MCC: variants seen among roughly 807,000 people sequenced by gnomAD.
MCC encodes the protein colorectal mutant cancer protein.
In MCC, 90 loss-of-function variants were observed where a neutral mutation model predicts 116.2. That is an observed-to-expected ratio of 0.77 (90% CI 0.65 to 0.92). The LOEUF (loss-of-function observed/expected upper bound fraction) is 0.92, where lower values mean the gene tolerates loss of function less well. Ranked by LOEUF, MCC falls within the 40% of genes least tolerant of loss-of-function variation. The pLI is 0.00. For missense variants in MCC, 1,516 were observed against 1,312.2 expected, an observed-to-expected ratio of 1.16 and a Z score of -2.40; for synonymous variants, 578 against 510.5, an observed-to-expected ratio of 1.13 and a Z score of -1.78.
chr5:113,144,089 A>T (rs1273564580), intron 4 of MCC, among the ~76,000 whole-genome samples: 2 of 152,198 alleles, frequency 1.3e-5, no homozygotes, highest in East Asian at 3.8e-4. Context: ...AGTGTTATGG[A>T]ATGAATGGAT....
rs547181031 is a variant in MCC, at chr5:113,359,354, A to G, written c.416-18624T>C. Among the ~76,000 whole-genome samples the G allele has an allele frequency of 8.3e-4, 127 of 152,358 alleles. 1 individual carries two copies. The highest frequency in any genetic ancestry group is 1.5e-3 in the Non-Finnish European group (101 of 68,026). The stretch of plus-strand genomic sequence containing the variant: ...TTATCAACACCATCACCATTAGTGG[A>G]TATTTCTAATGTCCCACTGTGCCCA... On this transcript the variant is annotated intron_variant, in intron 2 of 18. Transcript: ENST00000408903.
At position 113,023,243 on chromosome 5, in the gene MCC, G is replaced by A. The variant is rs570783873; in HGVS notation, c.*4059C>T. 7.2e-5 allele frequency: 11 copies of A among 152,314 alleles called. No homozygotes were observed. The highest frequency in any genetic ancestry group is 5.2e-4 in the Admixed American group (8 of 15,304). The allele number at this position is 152,314 out of a possible 1,614,324, so 9.4% of individuals were successfully genotyped here. A position where few individuals can be genotyped will look rare whatever the true frequency, so the allele number is the denominator to read the frequency against. ...ACCTACATGAACATAAGATTTGTAG[G>A]ATGTGGATAAACTTTAAGAACTGGA... On this transcript the variant is annotated 3_prime_UTR_variant, in exon 19 of 19. Coordinates refer to ENST00000408903, the MANE Select transcript of MCC (RefSeq NM_001085377.2).
At chr5:113,435,959 CTGGTTCTG>C (rs923059961) in intron 1 of MCC, 2 of 152,558 alleles carry the variant, frequency 1.3e-5, no homozygotes, top group Non-Finnish European at 2.9e-5. Flanking sequence ...TCTGCTGTGA[CTGGTTCTG>C]TGTCCAGCAC....
At chr5:113,341,364 T>G (rs929690332) in intron 2 of MCC, among the ~76,000 whole-genome samples, 28 of 152,048 alleles carry the variant, frequency 1.8e-4, no homozygotes, top group African/African-American at 6.5e-4. Context: ...AAATTTTTTT[T>G]GTAGACCTCA....
chr5:113,113,651 C>CCA (rs1757227040), intron 6 of MCC, among the ~76,000 whole-genome samples: 1 of 108,418 alleles, frequency 9.2e-6, no homozygotes, highest in East Asian at 2.7e-4. Flanking sequence ...TATGTTCTTG[C>CCA]AAAAAAAAAA....
At chr5:113,289,137 C>G (rs1766379625) in intron 3 of MCC, among the ~76,000 whole-genome samples, 1 of 152,034 alleles carries the variant, frequency 6.6e-6, no homozygotes, top group Non-Finnish European at 1.5e-5. Context: ...TCAAGACCAG[C>G]CTGACCAACA....
At chr5:113,159,832 C>A (rs973608727) in intron 3 of MCC, among the ~76,000 whole-genome samples, 1 of 152,162 alleles carries the variant, frequency 6.6e-6, no homozygotes, top group Non-Finnish European at 1.5e-5. Flanking sequence ...TGTAGTATTT[C>A]AAGAAATGCT....
At chr5:113,350,885 T>C (rs1043601124) in intron 2 of MCC, among the ~76,000 whole-genome samples, 8 of 151,964 alleles carry the variant, frequency 5.3e-5, no homozygotes, top group Admixed American at 2.6e-4. Context: ...AAAATATGAA[T>C]AGAGATTTCT....
chr5:113,365,874 G>A (rs1320311321), intron 2 of MCC, among the ~76,000 whole-genome samples: 1 of 152,124 alleles, frequency 6.6e-6, no homozygotes, highest in Non-Finnish European at 1.5e-5. Context: ...CATATCTTGT[G>A]AGAACTCACT....
At chr5:113,181,352 C>T (rs1761617806) in intron 3 of MCC, among the ~76,000 whole-genome samples, 1 of 152,188 alleles carries the variant, frequency 6.6e-6, no homozygotes, top group Non-Finnish European at 1.5e-5. Flanking sequence ...TGAAGAGATT[C>T]ACTTTTACTG....
rs138296972 is a variant in MCC, at chr5:113,388,248, C to G, written c.171-3036G>C. On this transcript the variant is annotated intron_variant, in intron 1 of 18. Transcript: ENST00000408903. ...TTCATTGCACTCTACCAAATTAAGT[C>G]AAATTGTAAGTTTTAAATAGAAGTA... Among the ~76,000 whole-genome samples the G allele has an allele frequency of 2.2e-3, 340 of 152,276 alleles. 2 individuals are homozygous for G. The highest frequency in any genetic ancestry group is 7.5e-3 in the African/African-American group (312 of 41,546).
At chr5:113,315,870 CCT>C (rs1281138384) in intron 3 of MCC, among the ~76,000 whole-genome samples, 1 of 150,538 alleles carries the variant, frequency 6.6e-6, no homozygotes, top group Non-Finnish European at 1.5e-5. Flanking sequence ...AGAGTGAGAC[CCT>C]GTCTCAAAAA....
At chr5:113,408,943 A>G (rs1380171868) in intron 1 of MCC, among the ~76,000 whole-genome samples, 1 of 152,158 alleles carries the variant, frequency 6.6e-6, no homozygotes, top group African/African-American at 2.4e-5. Flanking sequence ...ATTTGAATGA[A>G]GTTTTCACAG....
intron 1 of MCC, among the ~76,000 whole-genome samples, chr5:113,448,474 G>A (rs1258492062): frequency 7.2e-5 from 11 of 152,140 alleles, no homozygotes; most frequent in Non-Finnish European, 1.5e-5. Flanking sequence ...GCAAAGAAAG[G>A]CCATAATGAC....
chr5:113,414,826 T>A (rs977404851), intron 1 of MCC, among the ~76,000 whole-genome samples: 9 of 152,232 alleles, frequency 5.9e-5, no homozygotes, highest in Admixed American at 5.9e-4. Context: ...CAGTTGCTTA[T>A]TTTGCCCGTT....
chr5:113,057,190 G>A (rs1318334665), intron 14 of MCC, among the ~76,000 whole-genome samples: 1 of 152,184 alleles, frequency 6.6e-6, no homozygotes, highest in Non-Finnish European at 1.5e-5. Context: ...GCGTGGGAGG[G>A]GCTGGGTGCC....
In MCC at chr5:113,074,945, C is replaced by A. The variant is rs1381330606; in HGVS notation, c.1785-3711G>T. Among the ~76,000 whole-genome samples the A allele has an allele frequency of 5.6e-3, 859 of 152,346 alleles. 16 individuals are homozygous for A. Among genetic ancestry groups the A allele is most frequent in the African/African-American group, 0.02 (824 of 41,588 alleles). ...CTTGGCACCTCGTCGGCCTCGGTGTCTGCTCTGGCCATGCTCAAGGAGCGC... is the reference window on the plus strand; with the variant it reads ...CTTGGCACCTCGTCGGCCTCGGTGTATGCTCTGGCCATGCTCAAGGAGCGC... On this transcript the variant is annotated intron_variant, in intron 11 of 18. Transcript: ENST00000408903.
At chr5:113,186,470 T>C (rs550604676) in intron 3 of MCC, among the ~76,000 whole-genome samples, 2 of 152,340 alleles carry the variant, frequency 1.3e-5, no homozygotes, top group East Asian at 1.9e-4. Context: ...CCTGTTTGGC[T>C]ACTGCCTTCC....
intron 3 of MCC, among the ~76,000 whole-genome samples, chr5:113,291,232 G>T (rs1766483092): frequency 6.6e-6 from 1 of 152,126 alleles, no homozygotes; most frequent in Non-Finnish European, 1.5e-5. Flanking sequence ...TCTCCTAATT[G>T]TGTATCCCTC....
Sources: gnomAD v4.1 joint callset for allele counts (sites outside exome capture counted in the v4.1 genomes callset) on GRCh38, gnomAD v4.1.1 for gene constraint, MANE v1.5 for transcripts, NCBI Gene and HGNC (gene_info 2026-07-23, HGNC 2026-07-21) for gene names.